PDE1C: variants seen among roughly 807,000 people sequenced by gnomAD.
The protein encoded by PDE1C is dual specificity calcium/calmodulin-dependent 3',5'-cyclic nucleotide phosphodiesterase 1C.
PDE1C carries 62 observed loss-of-function variants against 93.1 expected under a neutral mutation model. That is an observed-to-expected ratio of 0.67 (90% CI 0.54 to 0.82). The LOEUF is 0.82. PDE1C is among the 40% of genes least tolerant of loss of function. The pLI, the probability that PDE1C is intolerant of heterozygous loss-of-function variation, is 0.00. For missense variants in PDE1C, 742 were observed against 884.6 expected, an observed-to-expected ratio of 0.84 and a Z score of 2.04; for synonymous variants, 325 against 310.1, an observed-to-expected ratio of 1.05 and a Z score of -0.50.
At position 32,199,313 on chromosome 7, in the gene PDE1C, G is replaced by A. The variant is rs530069571; in HGVS notation, c.136+10176C>T. Among the ~76,000 whole-genome samples, 25 of 151,974 alleles carry A rather than the reference G, an allele frequency of 1.6e-4. No homozygotes were observed. In the South Asian group the frequency reaches 5.0e-3, roughly 30 times the overall value. On this transcript the variant is annotated intron_variant, in intron 2 of 18. Coordinates refer to the PDE1C transcript ENST00000396193. ...AACTGGGTACAATTCATTAGTCTGAGGATTCATATCACTAGTCAATTCTGA... is the reference window on the plus strand; with the variant it reads ...AACTGGGTACAATTCATTAGTCTGAAGATTCATATCACTAGTCAATTCTGA...
At chr7:31,790,013 G>A in intron 16 of PDE1C, 1 of 1,312,674 alleles carries the variant, frequency 7.6e-7, no homozygotes, top group Non-Finnish European at 9.7e-7. Context: ...TTTGCTCAGG[G>A]GAATATCCCC....
chr7:32,277,103 G>C (rs1032238275), intron 1 of PDE1C, among the ~76,000 whole-genome samples: 1 of 152,058 alleles, frequency 6.6e-6, no homozygotes, highest in Non-Finnish European at 1.5e-5. Context: ...ACAAAAATTA[G>C]CCAGGCATGG....
chr7:32,009,998 C>T (rs1054373314), intron 2 of PDE1C, among the ~76,000 whole-genome samples: 3 of 152,176 alleles, frequency 2.0e-5, no homozygotes, highest in African/African-American at 7.2e-5. Flanking sequence ...ATAATGAAAA[C>T]TACAAAACAT....
At chr7:32,119,944 G>A (rs749183424) in intron 3 of PDE1C, among the ~76,000 whole-genome samples, 1 of 152,182 alleles carries the variant, frequency 6.6e-6, no homozygotes, top group Non-Finnish European at 1.5e-5. Context: ...CTTGGGAGAG[G>A]GGCCACAGCC....
the PDE1C span, chr7:31,707,131 T>C: frequency 7.1e-7 from 1 of 1,399,096 alleles, no homozygotes; most frequent in Non-Finnish European, 1.0e-6. Context: ...TCCTTTGTAC[T>C]GTGTCTGTCT....
At chr7:32,243,003 G>A (rs577919229) in intron 1 of PDE1C, among the ~76,000 whole-genome samples, 29 of 152,272 alleles carry the variant, frequency 1.9e-4, no homozygotes, top group East Asian at 1.7e-3. Context: ...CAAGGGACAC[G>A]TGTCCAGGAG....
At chr7:31,887,828 T>A (rs1480800113) in intron 2 of PDE1C, among the ~76,000 whole-genome samples, 1 of 152,220 alleles carries the variant, frequency 6.6e-6, no homozygotes, top group East Asian at 1.9e-4. Flanking sequence ...ATTTCAAGTG[T>A]ATGGAAATTT....
chr7:32,037,384 T>C (rs1467126321), intron 2 of PDE1C, among the ~76,000 whole-genome samples: 1 of 152,114 alleles, frequency 6.6e-6, no homozygotes, highest in African/African-American at 2.4e-5. Flanking sequence ...CCCACAAGGA[T>C]ACCCACAGCA....
the PDE1C span, among the ~76,000 whole-genome samples, chr7:31,637,569 CT>C: frequency 2.0e-5 from 3 of 152,150 alleles, no homozygotes; most frequent in African/African-American, 7.2e-5. Flanking sequence ...CCTTTACCCA[CT>C]TTTTGATGGG....
In PDE1C at chr7:32,080,543, G is replaced by C. The variant is rs1375761459; in HGVS notation, c.308+89242C>G. On this transcript the variant is annotated intron_variant, in intron 3 of 18. Transcript: ENST00000396193. ...AGAGTTACCTTTCAGTGCATAAAGGGTTAATTTTCAATTATCTGATTAGCT... is the reference window on the plus strand; with the variant it reads ...AGAGTTACCTTTCAGTGCATAAAGGCTTAATTTTCAATTATCTGATTAGCT... Among the ~76,000 whole-genome samples the C allele has an allele frequency of 2.0e-5, 3 of 152,174 alleles. 1 individual carries two copies. Among genetic ancestry groups the C allele is most frequent in the Non-Finnish European group, 2.9e-5 (2 of 68,044 alleles).
At chr7:32,169,177 T>C (rs897617473) in intron 3 of PDE1C, among the ~76,000 whole-genome samples, 4 of 152,160 alleles carry the variant, frequency 2.6e-5, no homozygotes, top group Non-Finnish European at 4.4e-5. Flanking sequence ...CCCAGATTGA[T>C]TTTTATTTAA....
the PDE1C span, among the ~76,000 whole-genome samples, chr7:31,675,102 G>A: frequency 6.6e-6 from 1 of 152,226 alleles, no homozygotes; most frequent in Admixed American, 6.5e-5. Flanking sequence ...GGAGGGGGCA[G>A]GTGCACTGGC....
intron 17 of PDE1C, among the ~76,000 whole-genome samples, chr7:31,759,968 C>T (rs1248902940): frequency 6.6e-6 from 1 of 151,866 alleles, no homozygotes; most frequent in African/African-American, 2.4e-5. Flanking sequence ...AACAGTTGTA[C>T]AGAATTATTT....
intron 2 of PDE1C, among the ~76,000 whole-genome samples, chr7:31,897,603 C>T (rs574651120): frequency 6.6e-6 from 1 of 152,288 alleles, no homozygotes; most frequent in East Asian, 1.9e-4. Flanking sequence ...ATCTCTCCCC[C>T]TTTTGTCTCT....
chr7:32,169,878 G>A (rs1201374297), exon 3 of PDE1C: 2 of 1,612,572 alleles, frequency 1.2e-6, no homozygotes, highest in East Asian at 4.5e-5. Context: ...ATGGACAATT[G>A]TTGGCCTTGG....
intron 3 of PDE1C, among the ~76,000 whole-genome samples, chr7:32,117,277 G>A (rs1175998194): frequency 1.3e-5 from 2 of 152,132 alleles, no homozygotes; most frequent in African/African-American, 4.8e-5. Context: ...AAAAAACTAT[G>A]GCCACGCTCC....
At chr7:31,748,142 C>T (rs1794045292), downstream of PDE1C, among the ~76,000 whole-genome samples, 1 of 151,986 alleles carries the variant, frequency 6.6e-6, no homozygotes, top group Non-Finnish European at 1.5e-5. Context: ...TAACCAAGGG[C>T]AGCTTGGAGA....
intron 6 of PDE1C, among the ~76,000 whole-genome samples, chr7:31,865,981 A>G (rs982014944): frequency 2.6e-5 from 4 of 152,140 alleles, no homozygotes; most frequent in African/African-American, 7.2e-5. Flanking sequence ...AATATTTCCA[A>G]TTAGATTAAT....
chr7:32,011,197 T>C (rs77644278), intron 2 of PDE1C, among the ~76,000 whole-genome samples: 1 of 77,336 alleles, frequency 1.3e-5, no homozygotes, highest in Non-Finnish European at 2.6e-5. Flanking sequence ...AAATTAACAA[T>C]TTTTTTTTTT....
Sources: allele counts gnomAD v4.1 joint callset (sites outside exome capture counted in the v4.1 genomes callset), GRCh38; gene constraint gnomAD v4.1.1; transcripts MANE v1.5; gene names NCBI Gene and HGNC (gene_info 2026-07-23, HGNC 2026-07-21).